The following ELMO1 variants were observed in gnomAD, a reference collection of about 807,000 sequenced individuals.
ELMO1 encodes the protein engulfment and cell motility 1.
ELMO1 carries 26 observed loss-of-function variants against 98.9 expected under a neutral mutation model. The ratio of observed to expected loss-of-function variants is 0.26; its 90% confidence interval spans 0.19 to 0.36. ELMO1 has a LOEUF of 0.36. Ranked by LOEUF, ELMO1 falls within the 10% of genes least tolerant of loss-of-function variation. ELMO1 has a pLI of 1.00. For missense variants in ELMO1, 627 were observed against 935.2 expected, an observed-to-expected ratio of 0.67 and a Z score of 4.30; for synonymous variants, 346 against 346.0, an observed-to-expected ratio of 1.00 and a Z score of 0.00.
chr7:37,192,970 GATATATATAT>G (rs374892700), intron 13 of ELMO1, among the ~76,000 whole-genome samples: 1,166 of 40,030 alleles, frequency 0.029, 16 homozygotes, highest in Non-Finnish European at 0.044. Context: ...ATATATAGGA[GATATATATAT>G]ATATATATAT....
chr7:37,265,638 C>T (rs879935380), intron 5 of ELMO1, among the ~76,000 whole-genome samples: 1 of 152,080 alleles, frequency 6.6e-6, no homozygotes, highest in Admixed American at 6.5e-5. Flanking sequence ...CTCATCGCAT[C>T]ATCTTTATTA....
intron 15 of ELMO1, among the ~76,000 whole-genome samples, chr7:37,048,583 G>A (rs1469629798): frequency 1.3e-5 from 2 of 152,182 alleles, no homozygotes; most frequent in African/African-American, 4.8e-5. Flanking sequence ...ACTCTAAAGC[G>A]AAAACATGGA....
At chr7:37,006,445 G>A (rs1326317379) in intron 16 of ELMO1, among the ~76,000 whole-genome samples, 1 of 152,320 alleles carries the variant, frequency 6.6e-6, no homozygotes, top group African/African-American at 2.4e-5. Context: ...GGTGGTTAAA[G>A]AACAAGCTCA....
intron 16 of ELMO1, among the ~76,000 whole-genome samples, chr7:36,950,980 A>T (rs1787917156): frequency 6.6e-6 from 1 of 152,132 alleles, no homozygotes; most frequent in Admixed American, 6.5e-5. Context: ...GTCAATCATG[A>T]TTCCCCCTCT....
intron 13 of ELMO1, among the ~76,000 whole-genome samples, chr7:37,158,832 C>A (rs570478564): frequency 1.3e-5 from 2 of 152,334 alleles, no homozygotes; most frequent in South Asian, 2.1e-4. Flanking sequence ...ATAAATCATG[C>A]TGCTATAAAG....
chr7:37,289,681 G>A (rs767870754), intron 4 of ELMO1, among the ~76,000 whole-genome samples: 2 of 152,146 alleles, frequency 1.3e-5, no homozygotes, highest in Non-Finnish European at 2.9e-5. Context: ...CTGACAGCTG[G>A]AAGCAAACAA....
intron 15 of ELMO1, among the ~76,000 whole-genome samples, chr7:37,057,859 G>C (rs1796468470): frequency 6.6e-6 from 1 of 152,170 alleles, no homozygotes; most frequent in South Asian, 2.1e-4. Flanking sequence ...AACATTTTCT[G>C]TTACATTTGT....
At position 37,199,625 on chromosome 7, in the gene ELMO1, GA is replaced by G. The variant is rs138709823; in HGVS notation, c.1086+11760del. Among the ~76,000 whole-genome samples, 366 of 152,216 alleles carry G rather than the reference GA, an allele frequency of 2.4e-3. 1 individual carries two copies. Among genetic ancestry groups the G allele is most frequent in the African/African-American group, 8.1e-3 (337 of 41,514 alleles). On this transcript the variant is annotated intron_variant, in intron 13 of 21. Transcript: ENST00000310758. ...AAGAAGGGAGTAACATATCCCATAC[GA>G]AAGTCACCAAACAGATGGAAATGGT...
At chr7:36,972,113 G>A (rs1790017003) in intron 16 of ELMO1, among the ~76,000 whole-genome samples, 6 of 152,074 alleles carry the variant, frequency 3.9e-5, no homozygotes, top group Admixed American at 3.9e-4. Flanking sequence ...AGTTTTACAT[G>A]TTATTAATTC....
At chr7:37,267,983 C>A (rs1027660710) in intron 5 of ELMO1, among the ~76,000 whole-genome samples, 1 of 152,098 alleles carries the variant, frequency 6.6e-6, no homozygotes, top group East Asian at 1.9e-4. Context: ...ATGGTTTCTG[C>A]ATTTTGTGTT....
intron 15 of ELMO1, among the ~76,000 whole-genome samples, chr7:37,017,496 G>C (rs964489419): frequency 6.6e-6 from 1 of 152,154 alleles, no homozygotes; most frequent in African/African-American, 2.4e-5. Context: ...CCAAATAATA[G>C]ATAAGTGAAA....
At chr7:37,216,776 G>T in intron 10 of ELMO1, 81 bp from the exon 11 acceptor site, 1 of 1,480,716 alleles carries the variant, frequency 6.8e-7, no homozygotes, top group Non-Finnish European at 9.4e-7. Flanking sequence ...CCTTATCCTG[G>T]GGTGTGCTTC....
At chr7:36,863,706 A>G (rs1354394447) in intron 20 of ELMO1, among the ~76,000 whole-genome samples, 1 of 152,226 alleles carries the variant, frequency 6.6e-6, no homozygotes, top group East Asian at 1.9e-4. Context: ...CCATGTACAC[A>G]CTGATCACAA....
At chr7:37,116,102 T>C (rs1345319581) in intron 14 of ELMO1, among the ~76,000 whole-genome samples, 2 of 152,160 alleles carry the variant, frequency 1.3e-5, no homozygotes, top group East Asian at 1.9e-4. Context: ...TGCATTCTCT[T>C]GAGAAAAACA....
At chr7:36,997,644 T>C (rs969844688) in intron 16 of ELMO1, among the ~76,000 whole-genome samples, 3 of 152,030 alleles carry the variant, frequency 2.0e-5, no homozygotes, top group African/African-American at 7.3e-5. Context: ...ATCCCGAGTT[T>C]GAGGAGTCTG....
chr7:36,858,228 T>C (rs34650131), intron 21 of ELMO1, among the ~76,000 whole-genome samples: 51,279 of 152,048 alleles, frequency 0.34, 9,013 homozygotes, highest in Middle Eastern at 0.48. Flanking sequence ...ATATATCCCT[T>C]TAATAAAGAA....
At chr7:37,361,699 C>T (rs1205187365) in intron 1 of ELMO1, among the ~76,000 whole-genome samples, 1 of 152,212 alleles carries the variant, frequency 6.6e-6, no homozygotes, top group Non-Finnish European at 1.5e-5. Flanking sequence ...TGGCTCAAGC[C>T]CGTAATCCCA....
At chr7:37,010,968 T>C (rs1282609104) in intron 16 of ELMO1, among the ~76,000 whole-genome samples, 2 of 152,234 alleles carry the variant, frequency 1.3e-5, no homozygotes, top group African/African-American at 4.8e-5. Flanking sequence ...TGCTCTTGCC[T>C]GATGGCTATT....
At chr7:37,183,302 A>C (rs753604803) in intron 13 of ELMO1, among the ~76,000 whole-genome samples, 7 of 152,254 alleles carry the variant, frequency 4.6e-5, no homozygotes, top group Admixed American at 1.3e-4. Context: ...CCGGCTGTAA[A>C]GAAACATAGT....
Sources: allele counts gnomAD v4.1 joint callset (sites outside exome capture counted in the v4.1 genomes callset), GRCh38; gene constraint gnomAD v4.1.1; transcripts MANE v1.5; gene names NCBI Gene and HGNC (gene_info 2026-07-23, HGNC 2026-07-21).